CBFA2T2: variants seen among roughly 807,000 people sequenced by gnomAD.
CBFA2T2 encodes the protein protein CBFA2T2.
In CBFA2T2, 11 loss-of-function variants were observed where a neutral mutation model predicts 62.2. That is an observed-to-expected ratio of 0.18 (90% CI 0.11 to 0.29). CBFA2T2 has a LOEUF of 0.29. Among genes scored for constraint, CBFA2T2 ranks in the 10% least tolerant of loss-of-function variants. The pLI is 1.00. For synonymous variants in CBFA2T2, 295 were observed against 287.5 expected (o/e 1.03, Z -0.27); for missense variants, 592 against 774.1 (o/e 0.76, Z 2.79).
chr20:33,624,877 T>G lies in CBFA2T2; in HGVS notation c.806T>G (p.Met269Arg). 1 of 1,614,136 alleles carries G rather than the reference T, an allele frequency of 6.2e-7. No individual in the cohort carries two copies. ...AGTCCTGCTCTCACTGTGCCCCTCA[T>G]GAATCCCGGGGGCCAATTCCATCCT... is the stretch of plus-strand genomic sequence containing the variant. ...RHSPALTVPLMNPGGQFHPTP... is the reference protein window; with the variant it reads ...RHSPALTVPLRNPGGQFHPTP... The change falls in exon 6 of 11, where the codon ATG (methionine) becomes AGG (arginine). Residue 269 changes from methionine (M) to arginine (R), a missense_variant. Physicochemically the swap from Met to Arg is moderately conservative, Grantham distance 91. Transcript: ENST00000342704.
At chr20:33,524,506 T>C (rs1278179194) in intron 1 of CBFA2T2, among the ~76,000 whole-genome samples, 2 of 152,184 alleles carry the variant, frequency 1.3e-5, no homozygotes, top group African/African-American at 4.8e-5. Flanking sequence ...TTTGTAGTTG[T>C]TTTTCTTGGA....
In CBFA2T2 at chr20:33,596,050, T is replaced by C. The variant is rs570476918; in HGVS notation, c.35-10906T>C. ...ACCTTTGACTATTCAAGAATATAAATCTCTAGCTGGTCTGGAATTTGGCTG... is the reference window on the plus strand; with the variant it reads ...ACCTTTGACTATTCAAGAATATAAACCTCTAGCTGGTCTGGAATTTGGCTG... On this transcript the variant is annotated intron_variant, in intron 1 of 10. Coordinates refer to ENST00000342704, the MANE Select transcript of CBFA2T2 (RefSeq NM_001032999.3). Among the ~76,000 whole-genome samples, 28 of 152,310 alleles carry C rather than the reference T, an allele frequency of 1.8e-4. 1 individual carries two copies. In the South Asian group the frequency reaches 5.8e-3, roughly 32 times the overall value.
intron 1 of CBFA2T2, among the ~76,000 whole-genome samples, chr20:33,605,759 C>T (rs1427635163): frequency 3.3e-5 from 5 of 151,984 alleles, no homozygotes; most frequent in African/African-American, 1.2e-4. Context: ...GGTTGACTCC[C>T]TCTTTTTTCC....
At chr20:33,643,575 G>C (rs1360031231) in intron 10 of CBFA2T2, among the ~76,000 whole-genome samples, 1 of 151,226 alleles carries the variant, frequency 6.6e-6, no homozygotes, top group Non-Finnish European at 1.5e-5. Flanking sequence ...CAAAACAGCA[G>C]CAGCAGCCTT....
rs188152557 is a variant in CBFA2T2 at position 33,549,511 on chromosome 20, T to G, written c.35-57445T>G. ...TAAAGAAGCCACAAAAGATGACATA[T>G]CCTTTCATTTATGTGAAATGTCCAG... On this transcript the variant is annotated intron_variant, in intron 1 of 10. Transcript: ENST00000342704. Among the ~76,000 whole-genome samples the G allele has an allele frequency of 4.1e-4, 63 of 152,300 alleles. 1 individual carries two copies. In the East Asian group the frequency reaches 0.012, roughly 28 times the overall value.
At position 33,490,181 on chromosome 20, in the gene CBFA2T2, C is replaced by A; in HGVS notation, c.-87C>A. The A allele has an allele frequency of 8.4e-7, 1 of 1,188,732 alleles. No individual in the cohort carries two copies. Among genetic ancestry groups the A allele is most frequent in the Non-Finnish European group, 1.0e-6 (1 of 958,034 alleles). 73.6% of individuals were successfully genotyped at this position (1,188,732 alleles called of 1,614,324 possible). A position where few individuals can be genotyped will look rare whatever the true frequency, so the allele number is the denominator to read the frequency against. ...ATCTCGCGGCGACGCCTGCGAGGGA[C>A]CCGGGCCGCGGGTCGAGGCGGGCGG... On this transcript the variant is annotated 5_prime_UTR_variant, in exon 1 of 11. Transcript: ENST00000342704.
intron 8 of CBFA2T2, among the ~76,000 whole-genome samples, chr20:33,635,024 A>G (rs1304253726): frequency 1.3e-5 from 2 of 152,226 alleles, no homozygotes; most frequent in Admixed American, 6.5e-5. Flanking sequence ...ATGAATTTCA[A>G]AAAGAATGAG....
intron 9 of CBFA2T2, chr20:33,639,193 G>C (rs1218678003): frequency 6.6e-6 from 1 of 152,230 alleles, no homozygotes; most frequent in South Asian, 2.1e-4. Flanking sequence ...TCTTCTATCA[G>C]TTCAATCATT....
At chr20:33,566,623 A>C (rs1951382014) in intron 1 of CBFA2T2, among the ~76,000 whole-genome samples, 1 of 151,960 alleles carries the variant, frequency 6.6e-6, no homozygotes, top group Admixed American at 6.6e-5. Context: ...AAAAAAGTAC[A>C]AAAGTAGTAA....
At chr20:33,553,015 G>T in intron 1 of CBFA2T2, among the ~76,000 whole-genome samples, 1 of 152,056 alleles carries the variant, frequency 6.6e-6, no homozygotes, top group Non-Finnish European at 1.5e-5. Context: ...GAAGCTCATA[G>T]TTCTGGTTTT....
At chr20:33,541,692 A>G (rs999726925) in intron 1 of CBFA2T2, among the ~76,000 whole-genome samples, 2 of 152,222 alleles carry the variant, frequency 1.3e-5, no homozygotes, top group African/African-American at 2.4e-5. Flanking sequence ...AAATCATCTG[A>G]ACTCAAAATT....
At chr20:33,553,887 A>G (rs2012812967) in intron 1 of CBFA2T2, among the ~76,000 whole-genome samples, 1 of 152,124 alleles carries the variant, frequency 6.6e-6, no homozygotes, top group African/African-American at 2.4e-5. Flanking sequence ...AATGTAAAAT[A>G]CAATCTTAAA....
intron 1 of CBFA2T2, among the ~76,000 whole-genome samples, chr20:33,576,560 C>G (rs375899958): frequency 1.3e-5 from 2 of 152,218 alleles, no homozygotes; most frequent in African/African-American, 4.8e-5. Flanking sequence ...ACCATCATAT[C>G]AGCATTTCAT....
At chr20:33,609,766 A>G (rs190289135) in intron 2 of CBFA2T2, among the ~76,000 whole-genome samples, 1 of 152,290 alleles carries the variant, frequency 6.6e-6, no homozygotes, top group African/African-American at 2.4e-5. Flanking sequence ...ATTTTTTATG[A>G]TTAATAAGTT....
At chr20:33,565,904 A>G (rs1289713060) in intron 1 of CBFA2T2, among the ~76,000 whole-genome samples, 1 of 152,184 alleles carries the variant, frequency 6.6e-6, no homozygotes, top group Admixed American at 6.5e-5. Flanking sequence ...CAAAAAATAC[A>G]TTTGAGTGAA....
intron 1 of CBFA2T2, among the ~76,000 whole-genome samples, chr20:33,521,744 A>T (rs575557389): frequency 2.0e-5 from 3 of 152,072 alleles, no homozygotes; most frequent in Non-Finnish European, 4.4e-5. Context: ...TAAGCATAGC[A>T]TTTACCTTGG....
chr20:33,519,724 G>T (rs936892124), intron 1 of CBFA2T2, among the ~76,000 whole-genome samples: 1 of 152,068 alleles, frequency 6.6e-6, no homozygotes, highest in Non-Finnish European at 1.5e-5. Context: ...GAAGGTCTGG[G>T]GTAGGGTCCA....
At chr20:33,599,883 T>C (rs904080720) in intron 1 of CBFA2T2, among the ~76,000 whole-genome samples, 4 of 152,164 alleles carry the variant, frequency 2.6e-5, no homozygotes, top group Non-Finnish European at 5.9e-5. Flanking sequence ...CGTGAGCCAC[T>C]GTGCCCAGCC....
At chr20:33,518,984 G>C (rs1388900469) in intron 1 of CBFA2T2, among the ~76,000 whole-genome samples, 1 of 152,004 alleles carries the variant, frequency 6.6e-6, no homozygotes, top group African/African-American at 2.4e-5. Context: ...ACCATGCCCA[G>C]CTAAGTTTTG....
Sources: allele counts gnomAD v4.1 joint callset (sites outside exome capture counted in the v4.1 genomes callset), GRCh38; gene constraint gnomAD v4.1.1; transcripts MANE v1.5; gene names NCBI Gene and HGNC (gene_info 2026-07-23, HGNC 2026-07-21).